Variants in FBP2 observed in about 807,000 individuals in gnomAD.
FBP2 encodes fructose-bisphosphatase 2.
A neutral mutation model predicts 31.6 loss-of-function variants in FBP2; 27 were observed. That is an observed-to-expected ratio of 0.85 (90% CI 0.63 to 1.18). The LOEUF (loss-of-function observed/expected upper bound fraction) is 1.18, where lower values mean the gene tolerates loss of function less well. FBP2 is among the 50% of genes most tolerant of loss of function. The pLI, the probability that FBP2 is intolerant of heterozygous loss-of-function variation, is 0.00. For synonymous variants in FBP2, 168 were observed against 179.8 expected, an observed-to-expected ratio of 0.93 and a Z score of 0.53; for missense variants, 421 against 436.1, an observed-to-expected ratio of 0.97 and a Z score of 0.31.
chr9:94,560,131 G>T (rs1816185978), intron 6 of FBP2, among the ~76,000 whole-genome samples: 1 of 152,114 alleles, frequency 6.6e-6, no homozygotes, highest in Non-Finnish European at 1.5e-5. Flanking sequence ...TCTCAAAAAC[G>T]AAGAAAGTGT....
intron 2 of FBP2, chr9:94,586,581 C>CT: frequency 6.6e-6 from 1 of 152,288 alleles, no homozygotes; most frequent in East Asian, 1.9e-4. Context: ...GCAAAAGTGC[C>CT]TTTTGCAGTA....
chr9:94,590,031 G>C (rs1367348082), intron 1 of FBP2, among the ~76,000 whole-genome samples: 1 of 152,098 alleles, frequency 6.6e-6, no homozygotes, highest in Non-Finnish European at 1.5e-5. Context: ...TCTGTCCTGC[G>C]CTTTGCAAAT....
At chr9:94,586,360 G>A (rs1318806994) in intron 2 of FBP2, among the ~76,000 whole-genome samples, 1 of 152,128 alleles carries the variant, frequency 6.6e-6, no homozygotes, top group East Asian at 1.9e-4. Flanking sequence ...GTCCAGCCGG[G>A]CAGTAGAGCA....
chr9:94,590,588 C>G (rs977697487), intron 1 of FBP2, among the ~76,000 whole-genome samples: 1 of 152,128 alleles, frequency 6.6e-6, no homozygotes, highest in African/African-American at 2.4e-5. Flanking sequence ...CCAGTGGGCT[C>G]GTGGTCTCAC....
chr9:94,567,331 C>T lies in FBP2; in HGVS notation c.644G>A (p.Gly215Asp), dbSNP rs1240631341. Residue 215 changes from glycine (G) to aspartate (D), a missense_variant, in exon 5 of 7, where the codon GGC (glycine) becomes GAC (aspartate). Coordinates refer to ENST00000375337, the MANE Select transcript of FBP2 (RefSeq NM_003837.4). Reference sequence around the variant, plus strand: ...GGCCGCATCAAAATACTTGGCATAGCCCTCATTCAGGCTGTAAATCTTTCC... The same window carrying T: ...GGCCGCATCAAAATACTTGGCATAGTCCTCATTCAGGCTGTAAATCTTTCC... ...KKGKIYSLNE[G>D]YAKYFDAATT... is the part of the protein sequence containing the mutation. The T allele has an allele frequency of 1.9e-6, 3 of 1,614,064 alleles. No homozygotes were observed. In the African/African-American group the frequency reaches 4.0e-5, roughly 22 times the overall value.
chr9:94,571,968 A>C (rs1827274779), intron 3 of FBP2, among the ~76,000 whole-genome samples: 1 of 152,140 alleles, frequency 6.6e-6, no homozygotes, highest in Non-Finnish European at 1.5e-5. Context: ...CACTCTGCAC[A>C]CTCAACAGCC....
At chr9:94,573,228 G>C (rs533273585) in intron 3 of FBP2, among the ~76,000 whole-genome samples, 4 of 152,168 alleles carry the variant, frequency 2.6e-5, no homozygotes, top group Admixed American at 1.3e-4. Flanking sequence ...ATAGAGTTAA[G>C]GGACGCTCCT....
chr9:94,559,663 A>G (rs942970127), intron 6 of FBP2, among the ~76,000 whole-genome samples: 5 of 152,074 alleles, frequency 3.3e-5, no homozygotes, highest in South Asian at 2.1e-4. Flanking sequence ...CGGTGTTTCA[A>G]TGGTCTTGTC....
intron 3 of FBP2, chr9:94,577,536 G>C (rs180803151): frequency 6.6e-6 from 1 of 152,270 alleles, no homozygotes; most frequent in African/African-American, 2.4e-5. Flanking sequence ...TAAATCTGCT[G>C]TTATTAAACT....
chr9:94,584,473 G>T, intron 3 of FBP2, 104 bp downstream of exon 3: 1 of 737,996 alleles, frequency 1.4e-6, no homozygotes, highest in Non-Finnish European at 2.4e-6. Context: ...TTTCTCGTTA[G>T]TGGGAAGACA....
At chr9:94,568,409 TA>T (rs1348816003) in intron 4 of FBP2, 2 of 152,202 alleles carry the variant, frequency 1.3e-5, no homozygotes, top group African/African-American at 2.4e-5. Context: ...GTTCTGGTGA[TA>T]TCAGTCACTA....
intron 1 of FBP2, among the ~76,000 whole-genome samples, chr9:94,588,822 G>A (rs1182266194): frequency 6.6e-6 from 1 of 152,108 alleles, no homozygotes; most frequent in Non-Finnish European, 1.5e-5. Flanking sequence ...CGCCCGGGTT[G>A]GCATGGCTGC....
At chr9:94,591,898 T>C (rs908074904) in intron 1 of FBP2, among the ~76,000 whole-genome samples, 23 of 152,206 alleles carry the variant, frequency 1.5e-4, no homozygotes, top group Admixed American at 1.5e-3. Flanking sequence ...ATCCAGTTCC[T>C]AGGGCCACTT....
At chr9:94,582,382 G>GTGTA (rs1827380963) in intron 3 of FBP2, among the ~76,000 whole-genome samples, 1 of 135,622 alleles carries the variant, frequency 7.4e-6, no homozygotes, top group Non-Finnish European at 1.6e-5. Flanking sequence ...GTGTGTGTGT[G>GTGTA]TGTGTATAGT....
At chr9:94,584,247 G>C (rs573930285) in intron 3 of FBP2, among the ~76,000 whole-genome samples, 71 of 152,324 alleles carry the variant, frequency 4.7e-4, no homozygotes, top group Non-Finnish European at 8.7e-4. Context: ...TGAGGCAAGA[G>C]GGGGAGAGGA....
intron 1 of FBP2, among the ~76,000 whole-genome samples, chr9:94,588,554 G>A (rs1418613977): frequency 6.6e-6 from 1 of 152,176 alleles, no homozygotes; most frequent in Admixed American, 6.5e-5. Flanking sequence ...GCCTGGGGAG[G>A]TGGAGGTTGC....
intron 3 of FBP2, among the ~76,000 whole-genome samples, chr9:94,584,199 G>A (rs536173743): frequency 1.2e-4 from 18 of 152,294 alleles, no homozygotes; most frequent in Non-Finnish European, 1.0e-4. Context: ...TCCAATGAGC[G>A]TTAGCAGAAA....
intron 3 of FBP2, among the ~76,000 whole-genome samples, chr9:94,583,929 C>G (rs1024431714): frequency 6.6e-6 from 1 of 152,088 alleles, no homozygotes; most frequent in Non-Finnish European, 1.5e-5. Flanking sequence ...ATTTTATTGC[C>G]GTTGTACACT....
At chr9:94,585,844 C>CA (rs1288015929) in intron 2 of FBP2, among the ~76,000 whole-genome samples, 2 of 151,754 alleles carry the variant, frequency 1.3e-5, no homozygotes, top group Non-Finnish European at 2.9e-5. Context: ...CTCCTGAGCT[C>CA]AAGCAATTCT....
Sources: gnomAD v4.1 joint callset for allele counts (sites outside exome capture counted in the v4.1 genomes callset) on GRCh38, gnomAD v4.1.1 for gene constraint, MANE v1.5 for transcripts, NCBI Gene and HGNC (gene_info 2026-07-23, HGNC 2026-07-21) for gene names.